NPHP4: variants seen among roughly 807,000 people sequenced by gnomAD.
NPHP4 encodes the protein nephrocystin-4.
Under a neutral mutation model 155.8 loss-of-function variants are expected in NPHP4, and 151 were observed. The observed-to-expected ratio is 0.97, with a 90% CI of 0.85 to 1.11. The LOEUF is 1.11. Among genes scored for constraint, NPHP4 ranks in the 50% least tolerant of loss-of-function variants. The pLI is 0.00. For missense variants in NPHP4, 1,956 were observed against 1,925.7 expected, an observed-to-expected ratio of 1.02 and a Z score of -0.29; for synonymous variants, 845 against 816.8, an observed-to-expected ratio of 1.03 and a Z score of -0.59.
At chr1:5,948,712 C>T (rs755140432) in intron 7 of NPHP4, among the ~76,000 whole-genome samples, 1 of 151,900 alleles carries the variant, frequency 6.6e-6, no homozygotes, top group Non-Finnish European at 1.5e-5. Context: ...TGGAGAGGTG[C>T]TCAGAGGCAG....
At chr1:5,869,696 GT>G (rs2100537658) in intron 23 of NPHP4, among the ~76,000 whole-genome samples, 1 of 152,326 alleles carries the variant, frequency 6.6e-6, no homozygotes, top group African/African-American at 2.4e-5. Flanking sequence ...TGGTACTGAT[GT>G]TTTGAAATAT....
rs1243920602 is a variant in NPHP4 at position 5,866,393 on chromosome 1, G to C, written c.3624C>G (p.Asp1208Glu). The C allele has an allele frequency of 1.9e-6, 3 of 1,608,324 alleles. No homozygotes were observed. In the African/African-American group the frequency reaches 4.0e-5, roughly 21 times the overall value. ...VASGPSPEIKDFFVIIYSDRW... is the reference protein window; with the variant it reads ...VASGPSPEIKEFFVIIYSDRW... ...CTTACGAGTAAATGATGACAAAGAA[G>C]TCTTTGATCTCCGGGCTTGGACCAC... The change falls in exon 26 of 30, where the codon GAC becomes GAG. Residue 1208 changes from aspartate to glutamate, a missense_variant. Physicochemically the swap from Asp to Glu is conservative, Grantham distance 45 (BLOSUM62 2). Transcript: ENST00000378156.
At chr1:5,913,023 C>T (rs971951385) in intron 11 of NPHP4, among the ~76,000 whole-genome samples, 4 of 152,054 alleles carry the variant, frequency 2.6e-5, no homozygotes, top group Admixed American at 2.0e-4. Flanking sequence ...TGGTGGCACG[C>T]GCCTGTAATC....
At chr1:5,865,341 A>C in intron 26 of NPHP4, 68 bp from the exon 27 acceptor site, 1 of 1,372,088 alleles carries the variant, frequency 7.3e-7, no homozygotes, top group South Asian at 1.5e-5. Flanking sequence ...AGAGGCCAAC[A>C]AGGGCTGCCA....
At chr1:5,868,887 C>A (rs966868578) in intron 23 of NPHP4, among the ~76,000 whole-genome samples, 3 of 145,242 alleles carry the variant, frequency 2.1e-5, no homozygotes, top group Non-Finnish European at 4.5e-5. Context: ...CACACGCACA[C>A]ATATGCACGC....
At chr1:5,863,539 G>C in intron 29 of NPHP4, 134 bp from the exon 30 acceptor site, 1 of 1,068,062 alleles carries the variant, frequency 9.4e-7, no homozygotes. Flanking sequence ...TGCATCCAAG[G>C]CCTGCCTTTG....
In NPHP4 at chr1:5,986,230, T is replaced by C; in HGVS notation, c.60A>G (p.Arg20=). 1 of 1,613,874 alleles carries C rather than the reference T, an allele frequency of 6.2e-7. No individual in the cohort carries two copies. The highest frequency in any genetic ancestry group is 8.5e-7 in the Non-Finnish European group (1 of 1,179,850). Residue 20 remains arginine, a synonymous_variant, in exon 2 of 30, where the codon AGA becomes AGG. Transcript: ENST00000378156. ...TGGATTCCTTCCAAGGCTGGCGCGC[T>C]CTCTGTGGGTGGGGAGGGACAAGCA... ...QNVLVPPHPQ[R]ARQPWKESTA...
chr1:5,946,964 T>C, intron 9 of NPHP4, 140 bp downstream of exon 9: 1 of 909,284 alleles, frequency 1.1e-6, no homozygotes. Context: ...AGCTGATAAA[T>C]GTCAGTAAAG....
At chr1:5,953,574 A>G (rs982056319) in intron 6 of NPHP4, among the ~76,000 whole-genome samples, 1 of 152,226 alleles carries the variant, frequency 6.6e-6, no homozygotes, top group Admixed American at 6.5e-5. Flanking sequence ...ACCATCTGCA[A>G]ACACACTGAG....
chr1:5,886,267 C>T (rs550717192), intron 18 of NPHP4, among the ~76,000 whole-genome samples: 2 of 152,224 alleles, frequency 1.3e-5, no homozygotes, highest in South Asian at 2.1e-4. Context: ...ATTTACCAGG[C>T]CGCCTCGGAT....
At chr1:5,954,049 T>G (rs1648717303) in intron 6 of NPHP4, among the ~76,000 whole-genome samples, 1 of 152,134 alleles carries the variant, frequency 6.6e-6, no homozygotes, top group Admixed American at 6.5e-5. Context: ...AGATTATGAG[T>G]CAGTATCGCC....
intron 3 of NPHP4, among the ~76,000 whole-genome samples, chr1:5,970,796 T>G (rs1251752396): frequency 6.6e-6 from 1 of 152,078 alleles, no homozygotes; most frequent in Non-Finnish European, 1.5e-5. Context: ...AGAAAACGTT[T>G]ACTGTAATCA....
At chr1:5,911,200 G>T (rs113137644) in intron 11 of NPHP4, among the ~76,000 whole-genome samples, 174 of 152,324 alleles carry the variant, frequency 1.1e-3, no homozygotes, top group Non-Finnish European at 2.2e-3. Flanking sequence ...CAAAGCCGAT[G>T]CCTCTCCCCA....
chr1:5,899,099 G>A (rs1296346922), intron 16 of NPHP4, among the ~76,000 whole-genome samples: 1 of 152,170 alleles, frequency 6.6e-6, no homozygotes, highest in Admixed American at 6.5e-5. Flanking sequence ...GGAAGCTGGC[G>A]CAGCACGAGG....
rs148183983 is a variant in NPHP4 at position 5,960,918 on chromosome 1, C to T, written c.673+876G>A. Among the ~76,000 whole-genome samples the T allele has an allele frequency of 1.4e-3, 206 of 152,310 alleles. 5 individuals are homozygous for T. In the East Asian group the frequency reaches 0.031, roughly 23 times the overall value. On this transcript the variant is annotated intron_variant, in intron 6 of 29. Coordinates refer to ENST00000378156, the MANE Select transcript of NPHP4 (RefSeq NM_015102.5). ...TCAGGTCACTGCACACCCATGTTCACAGCAGCCAGAAGGCGGAAGGCTCAA... is the reference window on the plus strand; with the variant it reads ...TCAGGTCACTGCACACCCATGTTCATAGCAGCCAGAAGGCGGAAGGCTCAA...
At position 5,867,693 on chromosome 1, in the gene NPHP4, C is replaced by A. The variant is rs763040150; in HGVS notation, c.3472+47G>T. On this transcript the variant is annotated intron_variant, in intron 24 of 29. Transcript: ENST00000378156. This position sits in a 1 kb window ranked among gnomAD's most constrained non-coding sequence, Gnocchi z 4.1. ...ACCCTCAAGAGGTATCTACTTCCAA[C>A]AGGTGAGCCTGCAACATGTGGGCTG... The A allele has an allele frequency of 6.3e-7, 1 of 1,593,798 alleles. No homozygotes were observed. Among genetic ancestry groups the A allele is most frequent in the Non-Finnish European group, 8.5e-7 (1 of 1,172,226 alleles).
In NPHP4 at chr1:5,904,775, C is replaced by G; in HGVS notation, c.1985G>C (p.Trp662Ser). The G allele has an allele frequency of 6.2e-7, 1 of 1,613,984 alleles. No homozygotes were observed. Among genetic ancestry groups the G allele is most frequent in the South Asian group, 1.1e-5 (1 of 91,078 alleles). ...RVAQDCRGTSWPKTVYFTFQF... is the reference protein window; with the variant it reads ...RVAQDCRGTSSPKTVYFTFQF... ...GAAGGTGAAATACACAGTCTTTGGC[C>G]ATGATGTTCCTCGGCAGTCCTGGGC... The change falls in exon 16 of 30, where the codon TGG (tryptophan) becomes TCG (serine). Residue 662 changes from tryptophan (W) to serine (S), a missense_variant. Physicochemically the swap from Trp to Ser is radical, Grantham distance 177. Coordinates refer to ENST00000378156, the MANE Select transcript of NPHP4 (RefSeq NM_015102.5).
intron 11 of NPHP4, among the ~76,000 whole-genome samples, chr1:5,916,230 G>A (rs534606493): frequency 6.6e-6 from 1 of 152,210 alleles, no homozygotes; most frequent in South Asian, 2.1e-4. Context: ...TTGCTCCCTT[G>A]CAATGTTACA....
intron 17 of NPHP4, chr1:5,888,681 A>C: frequency 8.6e-7 from 1 of 1,165,120 alleles, no homozygotes; most frequent in Non-Finnish European, 1.2e-6. Flanking sequence ...TGCGAATGAA[A>C]ACAAGGCACC....
Sources: gnomAD v4.1 joint callset for allele counts (sites outside exome capture counted in the v4.1 genomes callset) on GRCh38, gnomAD v4.1.1 for gene constraint, Gnocchi (gnomAD v3.1) non-coding constraint, MANE v1.5 for transcripts, NCBI Gene and HGNC (gene_info 2026-07-23, HGNC 2026-07-21) for gene names.